The following NLN variants were observed in gnomAD, a reference collection of about 807,000 sequenced individuals.
NLN encodes neurolysin, mitochondrial.
NLN carries 64 observed loss-of-function variants against 79.9 expected under a neutral mutation model. The ratio of observed to expected loss-of-function variants is 0.80; its 90% confidence interval spans 0.65 to 0.99. The LOEUF (loss-of-function observed/expected upper bound fraction) is 0.99, where lower values mean the gene tolerates loss of function less well. Among genes scored for constraint, NLN ranks in the 50% least tolerant of loss-of-function variants. The pLI, the probability that NLN is intolerant of heterozygous loss-of-function variation, is 0.00. For synonymous variants in NLN, 267 were observed against 296.6 expected (o/e 0.90, Z 1.02); for missense variants, 835 against 858.7 (o/e 0.97, Z 0.34).
Position 65,824,537 on chromosome 5 carries a change from C to A in NLN, c.*1622C>A, listed in dbSNP as rs1045807. 6.6e-6 allele frequency: 1 copy of A among 152,142 alleles called. No individual in the cohort carries two copies. Among genetic ancestry groups the A allele is most frequent in the African/African-American group, 2.4e-5 (1 of 41,426 alleles). The allele number at this position is 152,142 out of a possible 1,614,324, so 9.4% of individuals were successfully genotyped here. ...CTCACATCTTTCCCCCTAGACTTTT[C>A]TGTTTTTCAGTTTCAGACAAAAAAA... On this transcript the variant is annotated 3_prime_UTR_variant, in exon 13 of 13. Transcript: ENST00000380985.
At chr5:65,757,600 A>ATATATG (rs1449003146) in intron 1 of NLN, among the ~76,000 whole-genome samples, 2 of 152,134 alleles carry the variant, frequency 1.3e-5, no homozygotes, top group African/African-American at 2.4e-5. Flanking sequence ...ATGTACTTAT[A>ATATATG]TATATGTATA....
chr5:65,775,859 G>C (rs1759668831), intron 3 of NLN, among the ~76,000 whole-genome samples: 1 of 152,240 alleles, frequency 6.6e-6, no homozygotes, highest in South Asian at 2.1e-4. Context: ...GATACAAAGG[G>C]AGGTTGCTGT....
intron 9 of NLN, among the ~76,000 whole-genome samples, chr5:65,806,600 T>C (rs549502913): frequency 6.6e-6 from 1 of 151,920 alleles, no homozygotes; most frequent in East Asian, 1.9e-4. Flanking sequence ...AGATGAGGAG[T>C]TGCTTCTTAA....
At chr5:65,767,665 T>A (rs918743368) in intron 3 of NLN, among the ~76,000 whole-genome samples, 1 of 152,240 alleles carries the variant, frequency 6.6e-6, no homozygotes, top group East Asian at 1.9e-4. Flanking sequence ...GTTTTTCTTT[T>A]CTACCCCATG....
chr5:65,822,884 T>G lies in NLN; in HGVS notation c.2084T>G (p.Phe695Cys), dbSNP rs762295477. 1 of 1,613,672 alleles carries G rather than the reference T, an allele frequency of 6.2e-7. No homozygotes were observed. The highest frequency in any genetic ancestry group is 8.5e-7 in the Non-Finnish European group (1 of 1,179,592). ...AAACGTGAGCCAAACCAAAAAGCGTTCCTAATGAGTAGAGGCCTGCATGCT... is the reference window on the plus strand; with the variant it reads ...AAACGTGAGCCAAACCAAAAAGCGTGCCTAATGAGTAGAGGCCTGCATGCT... ...FLKREPNQKA[F>C]LMSRGLHAP Residue 695 changes from phenylalanine to cysteine, a missense_variant, in exon 13 of 13, where the codon TTC (phenylalanine) becomes TGC (cysteine). Phe to Cys is a radical substitution (Grantham distance 205). Coordinates refer to ENST00000380985, the MANE Select transcript of NLN (RefSeq NM_020726.5).
chr5:65,784,308 A>G (rs1759868436), intron 6 of NLN, among the ~76,000 whole-genome samples: 1 of 152,206 alleles, frequency 6.6e-6, no homozygotes, highest in Non-Finnish European at 1.5e-5. Context: ...TTTTTAATAC[A>G]AATAAAATAT....
At position 65,823,960 on chromosome 5, in the gene NLN, G is replaced by A. The variant is rs558578387; in HGVS notation, c.*1045G>A. 1 of 152,264 alleles carries A rather than the reference G, an allele frequency of 6.6e-6. No individual in the cohort carries two copies. Among genetic ancestry groups the A allele is most frequent in the Non-Finnish European group, 1.5e-5 (1 of 68,010 alleles). The allele number at this position is 152,264 out of a possible 1,614,324, so 9.4% of individuals were successfully genotyped here. On this transcript the variant is annotated 3_prime_UTR_variant, in exon 13 of 13. Coordinates refer to ENST00000380985, the MANE Select transcript of NLN (RefSeq NM_020726.5). The stretch of plus-strand genomic sequence containing the variant: ...TATGTGTATGATGAAACTTAACCAC[G>A]GGGAAGAGACTCTTCAGTAGCCTGT...
In NLN at chr5:65,823,175, A is replaced by G; in HGVS notation, c.*260A>G. On this transcript the variant is annotated 3_prime_UTR_variant, in exon 13 of 13. Coordinates refer to ENST00000380985, the MANE Select transcript of NLN (RefSeq NM_020726.5). ...TTTCTTTTTATGAAAGTTTCATATGAATGTAACTTGATTTTTTACTATTAT... is the reference window on the plus strand; with the variant it reads ...TTTCTTTTTATGAAAGTTTCATATGGATGTAACTTGATTTTTTACTATTAT... The G allele has an allele frequency of 2.8e-6, 1 of 355,364 alleles. No individual in the cohort carries two copies. The highest frequency in any genetic ancestry group is 5.1e-6 in the Non-Finnish European group (1 of 196,730). 22.0% of individuals were successfully genotyped at this position (355,364 alleles called of 1,614,324 possible). A position where few individuals can be genotyped will look rare whatever the true frequency, so the allele number is the denominator to read the frequency against.
chr5:65,726,740 C>G (rs2561206), intron 1 of NLN, among the ~76,000 whole-genome samples: 36,008 of 152,138 alleles, frequency 0.24, 4,391 homozygotes, highest in African/African-American at 0.27. Flanking sequence ...AAGGGCATAT[C>G]TTACAGTTAA....
At chr5:65,821,053 A>G (rs1339579307) in intron 12 of NLN, among the ~76,000 whole-genome samples, 1 of 151,756 alleles carries the variant, frequency 6.6e-6, no homozygotes, top group Non-Finnish European at 1.5e-5. Context: ...AAAAAAAAAA[A>G]AAAAAGAAAA....
In NLN at chr5:65,822,763, G is replaced by A. The variant is rs376044595; in HGVS notation, c.1981-18G>A. The A allele has an allele frequency of 1.3e-5, 21 of 1,594,010 alleles. No individual in the cohort carries two copies. Among genetic ancestry groups the A allele is most frequent in the Admixed American group, 1.7e-5 (1 of 59,940 alleles). ...GCTAGAACCATGAATTATTAGGTAT[G>A]ATGTTTTATTTTATTAGGTTGGAAT... On this transcript the variant is annotated intron_variant, in intron 12 of 12. Coordinates refer to ENST00000380985, the MANE Select transcript of NLN (RefSeq NM_020726.5).
At chr5:65,799,773 T>C (rs1043962276) in intron 9 of NLN, among the ~76,000 whole-genome samples, 2 of 152,230 alleles carry the variant, frequency 1.3e-5, no homozygotes, top group African/African-American at 2.4e-5. Flanking sequence ...TGTTGAACTA[T>C]AGGGCAGTTG....
Position 65,758,428 on chromosome 5 carries a change from G to A in NLN, c.42-139G>A, listed in dbSNP as rs576481215. 4.0e-4 allele frequency: 225 copies of A among 559,074 alleles called. 1 individual carries two copies. In the Middle Eastern group the frequency reaches 9.5e-3, roughly 24 times the overall value. The allele number at this position is 559,074 out of a possible 1,614,324, so 34.6% of individuals were successfully genotyped here. Reference sequence around the variant, plus strand: ...CAGGGGCACTTAGTTTTGTGCATATGTGTTCACCTGAGAGTATTTGCTTGT... The same window carrying A: ...CAGGGGCACTTAGTTTTGTGCATATATGTTCACCTGAGAGTATTTGCTTGT... On this transcript the variant is annotated intron_variant, in intron 1 of 12. Transcript: ENST00000380985.
intron 1 of NLN, among the ~76,000 whole-genome samples, chr5:65,729,857 A>G (rs1466163960): frequency 6.6e-6 from 1 of 152,232 alleles, no homozygotes; most frequent in African/African-American, 2.4e-5. Flanking sequence ...TATTGAATAC[A>G]TATGTAAATG....
chr5:65,794,333 A>T (rs1760126324), intron 9 of NLN, among the ~76,000 whole-genome samples: 1 of 152,182 alleles, frequency 6.6e-6, no homozygotes, highest in African/African-American at 2.4e-5. Flanking sequence ...TCGCAAGGCT[A>T]GGCATGGCAG....
intron 1 of NLN, among the ~76,000 whole-genome samples, chr5:65,742,443 A>G (rs1758890717): frequency 6.6e-6 from 1 of 152,182 alleles, no homozygotes; most frequent in Non-Finnish European, 1.5e-5. Flanking sequence ...AGACTGTACA[A>G]TGAAGGAAAA....
At chr5:65,799,157 C>T (rs577835999) in intron 9 of NLN, among the ~76,000 whole-genome samples, 1 of 152,300 alleles carries the variant, frequency 6.6e-6, no homozygotes, top group East Asian at 1.9e-4. Context: ...GCTGGGATTA[C>T]AGGTGTGAGC....
At chr5:65,726,728 A>T (rs1189657272) in intron 1 of NLN, among the ~76,000 whole-genome samples, 2 of 152,250 alleles carry the variant, frequency 1.3e-5, no homozygotes, top group African/African-American at 4.8e-5. Context: ...AATTTGTTAC[A>T]TAAGGGCATA....
intron 3 of NLN, 52 bp downstream of exon 3, chr5:65,763,160 A>G: frequency 6.7e-7 from 1 of 1,481,620 alleles, no homozygotes; most frequent in Non-Finnish European, 9.3e-7. Context: ...ACAACAAAAA[A>G]GAACATTCAG....
Sources: allele counts gnomAD v4.1 joint callset (sites outside exome capture counted in the v4.1 genomes callset), GRCh38; gene constraint gnomAD v4.1.1; transcripts MANE v1.5; gene names NCBI Gene and HGNC (gene_info 2026-07-23, HGNC 2026-07-21).